The following BEND6 variants were observed in gnomAD, a reference collection of about 807,000 sequenced individuals.
BEND6 encodes BEN domain-containing protein 6.
BEND6 carries 24 observed loss-of-function variants against 31.8 expected under a neutral mutation model. That is an observed-to-expected ratio of 0.75 (90% CI 0.55 to 1.06). BEND6 has a LOEUF of 1.06. BEND6 is among the 50% of genes least tolerant of loss of function. The pLI, the probability that BEND6 is intolerant of heterozygous loss-of-function variation, is 0.00. For missense variants in BEND6, 294 were observed against 327.4 expected, an observed-to-expected ratio of 0.90 and a Z score of 0.79; for synonymous variants, 109 against 114.6, an observed-to-expected ratio of 0.95 and a Z score of 0.31.
intron 5 of BEND6, 75 bp from the exon 6 acceptor site, chr6:57,018,346 G>A (rs1827633279): frequency 1.4e-6 from 2 of 1,456,538 alleles, no homozygotes; most frequent in Non-Finnish European, 1.8e-6. Flanking sequence ...AATACTTGAT[G>A]TTTTACCTCA....
intron 3 of BEND6, chr6:57,004,428 C>CCATAG (rs1221681794): frequency 4.5e-5 from 26 of 578,210 alleles, no homozygotes; most frequent in Non-Finnish European, 8.0e-5. Context: ...ATCCCCCCAC[C>CCATAG]CCAGCTGGCT....
chr6:57,004,329 G>C (rs1737791310), intron 3 of BEND6, among the ~76,000 whole-genome samples: 1 of 152,184 alleles, frequency 6.6e-6, no homozygotes, highest in South Asian at 2.1e-4. Flanking sequence ...TGAAGTTTCA[G>C]GATACAAAAT....
At chr6:56,970,966 A>G (rs993171337) in intron 1 of BEND6, among the ~76,000 whole-genome samples, 4 of 152,240 alleles carry the variant, frequency 2.6e-5, no homozygotes, top group African/African-American at 9.6e-5. Context: ...TTGTTGTGGT[A>G]AAACACACAT....
At chr6:56,992,699 A>C in intron 3 of BEND6, 144 bp downstream of exon 3, 2 of 956,946 alleles carry the variant, frequency 2.1e-6, no homozygotes, top group Non-Finnish European at 3.0e-6. Flanking sequence ...AAAATCACTG[A>C]TTATATAATT....
At chr6:57,002,609 ATGAC>A (rs959177204) in intron 3 of BEND6, among the ~76,000 whole-genome samples, 10 of 958 alleles carry the variant, frequency 0.01, no homozygotes, top group Admixed American at 0.028. Context: ...TTGCTCCTGA[ATGAC>A]TGAGTAAACA....
chr6:57,003,537 CAACAAA>C (rs977009620), intron 3 of BEND6, among the ~76,000 whole-genome samples: 10 of 151,558 alleles, frequency 6.6e-5, no homozygotes, highest in African/African-American at 1.2e-4. Flanking sequence ...ACAACAACAA[CAACAAA>C]AACTACCAAT....
chr6:57,004,807 G>A, intron 3 of BEND6: 2 of 825,336 alleles, frequency 2.4e-6, no homozygotes, highest in Non-Finnish European at 2.1e-6. Context: ...TGACCAATTA[G>A]GATTGCCTGA....
chr6:56,961,433 T>C (rs986303438), intron 1 of BEND6, among the ~76,000 whole-genome samples: 7 of 152,170 alleles, frequency 4.6e-5, no homozygotes, highest in African/African-American at 1.7e-4. Context: ...TCACCTAAGG[T>C]AACTCCCACT....
rs757582241 is a variant in BEND6 at position 57,026,700 on chromosome 6, C to T, written c.*628C>T. 2 of 152,144 alleles carry T rather than the reference C, an allele frequency of 1.3e-5. No homozygotes were observed. Among genetic ancestry groups the T allele is most frequent in the African/African-American group, 2.4e-5 (1 of 41,440 alleles). 9.4% of individuals were successfully genotyped at this position (152,144 alleles called of 1,614,324 possible). ...AATGGGAATATGAAAAAAATGACAA[C>T]AGCAAGATGTTTTATTTTAATGTTA... On this transcript the variant is annotated 3_prime_UTR_variant, in exon 7 of 7. Transcript: ENST00000370746.
chr6:57,017,441 T>C (rs776519985), intron 5 of BEND6, 42 bp downstream of exon 5: 1 of 1,271,810 alleles, frequency 7.9e-7, no homozygotes, highest in Non-Finnish European at 1.0e-6. Flanking sequence ...GAATTTTAAA[T>C]CATGTTACCA....
chr6:56,992,136 G>C (rs936476999), intron 2 of BEND6, among the ~76,000 whole-genome samples: 2 of 152,162 alleles, frequency 1.3e-5, no homozygotes, highest in African/African-American at 4.8e-5. Flanking sequence ...TTTCACTGAA[G>C]TTAGGCAGAA....
At chr6:56,993,122 A>C (rs1826570973) in intron 3 of BEND6, among the ~76,000 whole-genome samples, 1 of 152,234 alleles carries the variant, frequency 6.6e-6, no homozygotes, top group Non-Finnish European at 1.5e-5. Context: ...TGGCTGGAAA[A>C]AAAATGAAAA....
Position 56,981,803 on chromosome 6 carries a change from T to C in BEND6, c.-8T>C. On this transcript the variant is annotated 5_prime_UTR_variant, in exon 2 of 7. Transcript: ENST00000370746. The stretch of plus-strand genomic sequence containing the variant: ...ATTTCAGAAAACCTTTGATAACTAA[T>C]TGAGAAAATGCAGAAGATCGTGCAG... 6.2e-7 allele frequency: 1 copy of C among 1,611,458 alleles called. No individual in the cohort carries two copies. Among genetic ancestry groups the C allele is most frequent in the Non-Finnish European group, 8.5e-7 (1 of 1,179,018 alleles).
At chr6:56,981,984 C>A in intron 2 of BEND6, 54 bp downstream of exon 2, 1 of 1,535,788 alleles carries the variant, frequency 6.5e-7, no homozygotes. Context: ...ATCATAATTT[C>A]ATGGTTTCTT....
chr6:57,015,810 GAAAAAAAA>G (rs888955685), intron 4 of BEND6, among the ~76,000 whole-genome samples: 1 of 94,192 alleles, frequency 1.1e-5, no homozygotes, highest in Admixed American at 1.2e-4. Context: ...GACTCCGTCT[GAAAAAAAA>G]AAAAAAAAAG....
At chr6:56,969,875 G>A (rs187271596) in intron 1 of BEND6, among the ~76,000 whole-genome samples, 8 of 151,556 alleles carry the variant, frequency 5.3e-5, no homozygotes, top group East Asian at 3.9e-4. Flanking sequence ...CTTTTTCTAC[G>A]TCTTAATTCC....
rs138204387 is a variant in BEND6 at position 57,017,892 on chromosome 6, T to TATATACAG, written c.712+494_712+495insTATACAGA. Among the ~76,000 whole-genome samples the TATATACAG allele has an allele frequency of 7.3e-3, 1,112 of 152,328 alleles. 17 individuals are homozygous for TATATACAG. Among genetic ancestry groups the TATATACAG allele is most frequent in the African/African-American group, 0.025 (1,056 of 41,580 alleles). ...GCTCTATATATGTCATTTCTTAACATACAACAATGTCTGTCTTCCTGAAAC... is the reference window on the plus strand; with the variant it reads ...GCTCTATATATGTCATTTCTTAACATATATACAGACAACAATGTCTGTCTTCCTGAAAC... On this transcript the variant is annotated intron_variant, in intron 5 of 6. Transcript: ENST00000370746.
chr6:56,991,465 C>T (rs569394768), intron 2 of BEND6, among the ~76,000 whole-genome samples: 28 of 152,096 alleles, frequency 1.8e-4, no homozygotes, highest in Admixed American at 1.3e-3. Context: ...GCCTCTACCT[C>T]CCTTTAATCA....
At chr6:57,002,979 CAG>C (rs762805821) in intron 3 of BEND6, among the ~76,000 whole-genome samples, 2 of 151,918 alleles carry the variant, frequency 1.3e-5, no homozygotes, top group African/African-American at 2.4e-5. Context: ...AAGAAAAAAA[CAG>C]AGAAAATCCA....
Sources: gnomAD v4.1 joint callset for allele counts (sites outside exome capture counted in the v4.1 genomes callset) on GRCh38, gnomAD v4.1.1 for gene constraint, MANE v1.5 for transcripts, NCBI Gene and HGNC (gene_info 2026-07-23, HGNC 2026-07-21) for gene names.